The following TG variants were observed in gnomAD, a reference collection of about 807,000 sequenced individuals.
TG encodes the protein thyroid hormones.
A neutral mutation model predicts 324.7 loss-of-function variants in TG; 270 were observed. The ratio of observed to expected loss-of-function variants is 0.83; its 90% CI spans 0.75 to 0.92. The LOEUF is 0.92. Among genes scored for constraint, TG ranks in the 40% least tolerant of loss-of-function variants. The probability of loss-of-function intolerance (pLI) is 0.00; values close to 1 mark genes in which losing one functional copy is unlikely to be tolerated. For synonymous variants in TG, 1,401 were observed against 1,327.0 expected (o/e 1.06, Z -1.21); for missense variants, 3,591 against 3,456.4 (o/e 1.04, Z -0.98).
At chr8:133,021,935 G>C (rs1835603198) in intron 39 of TG, 56 bp from the exon 40 acceptor site, 5 of 1,610,292 alleles carry the variant, frequency 3.1e-6, no homozygotes, top group Non-Finnish European at 4.2e-6. Context: ...CAGGCTCCAA[G>C]CATGGGAAAG....
At chr8:132,949,069 A>C in intron 27 of TG, 126 bp downstream of exon 27, 1 of 797,918 alleles carries the variant, frequency 1.3e-6, no homozygotes, top group Non-Finnish European at 2.0e-6. Flanking sequence ...AAAAAAAAAA[A>C]CTTTACCAAT....
At chr8:132,999,685 T>C (rs1420060859) in intron 35 of TG, among the ~76,000 whole-genome samples, 1 of 152,164 alleles carries the variant, frequency 6.6e-6, no homozygotes, top group Non-Finnish European at 1.5e-5. Flanking sequence ...GTGCAAACAA[T>C]AGAAGAATAT....
At chr8:132,962,146 G>A (rs1177466818) in intron 28 of TG, among the ~76,000 whole-genome samples, 1 of 152,098 alleles carries the variant, frequency 6.6e-6, no homozygotes, top group Non-Finnish European at 1.5e-5. Flanking sequence ...AGGAGGAGGA[G>A]GAAGAGGAGA....
At chr8:132,891,408 C>T (rs1373926055) in intron 10 of TG, among the ~76,000 whole-genome samples, 1 of 152,184 alleles carries the variant, frequency 6.6e-6, no homozygotes, top group Admixed American at 6.5e-5. Flanking sequence ...GATCTCAGTT[C>T]ACTGCAGCCT....
At chr8:133,091,093 T>C (rs891451978) in intron 41 of TG, among the ~76,000 whole-genome samples, 1 of 152,204 alleles carries the variant, frequency 6.6e-6, no homozygotes, top group African/African-American at 2.4e-5. Context: ...GAGAGGTAGG[T>C]GAGCTTCTAC....
Position 132,873,227 on chromosome 8 carries a change from G to C in TG, c.638+6G>C, listed in dbSNP as rs372932760. On this transcript the variant is annotated splice_donor_region_variant and intron_variant, in intron 5 of 47. Coordinates refer to ENST00000220616, the MANE Select transcript of TG (RefSeq NM_003235.5). ...CTGGTCCACAGCTACAACAGGTAAG[G>C]GGAGCAGGGGTGTGCCAGTCACTGG... 59 of 1,613,868 alleles carry C rather than the reference G, an allele frequency of 3.7e-5. No homozygotes were observed. The African/African-American group carries it at 6.8e-4, about 19-fold the overall frequency.
intron 19 of TG, 64 bp downstream of exon 19, chr8:132,911,597 A>C: frequency 1.4e-5 from 19 of 1,381,608 alleles, no homozygotes; most frequent in Non-Finnish European, 1.7e-5. Flanking sequence ...CAGTTTTCTC[A>C]TCTGCCAAAT....
At chr8:132,926,629 C>A (rs551669286) in intron 22 of TG, among the ~76,000 whole-genome samples, 1 of 152,308 alleles carries the variant, frequency 6.6e-6, no homozygotes, top group Admixed American at 6.5e-5. Flanking sequence ...GGAGATTCTT[C>A]CACCACCTCA....
At chr8:132,915,303 C>G (rs1820134745) in intron 20 of TG, among the ~76,000 whole-genome samples, 3 of 152,206 alleles carry the variant, frequency 2.0e-5, no homozygotes, top group Admixed American at 6.5e-5. Flanking sequence ...GAAGTTCTAT[C>G]TCCTCTGACT....
At position 132,886,524 on chromosome 8, in the gene TG, C is replaced by T. The variant is rs752404412; in HGVS notation, c.1152C>T (p.Ser384=). The change falls in exon 9 of 48, where the codon AGC becomes AGT. Residue 384 remains serine, a synonymous_variant. Transcript: ENST00000220616. ...RLYFGTSGYF[S]QHDLFSSPEK... is the part of the protein sequence containing the mutation. ...ACTTTGGGACCTCAGGCTACTTCAG[C>T]CAGCACGACCTGTTCTCTTCCCCAG... 1 of 1,614,204 alleles carries T rather than the reference C, an allele frequency of 6.2e-7. No individual in the cohort carries two copies. Among genetic ancestry groups the T allele is most frequent in the South Asian group, 1.1e-5 (1 of 91,084 alleles).
At chr8:132,867,089 C>A in intron 1 of TG, 22 bp downstream of exon 1, 1 of 1,585,646 alleles carries the variant, frequency 6.3e-7, no homozygotes, top group Non-Finnish European at 8.6e-7. Flanking sequence ...GGCCATGGAG[C>A]CAGGCGGTGG....
At chr8:132,961,542 T>C (rs952896077) in intron 28 of TG, among the ~76,000 whole-genome samples, 1 of 151,892 alleles carries the variant, frequency 6.6e-6, no homozygotes, top group Non-Finnish European at 1.5e-5. Context: ...AAATGGAGAG[T>C]CTGACAACAT....
At chr8:133,003,680 G>T (rs1457746982) in intron 35 of TG, among the ~76,000 whole-genome samples, 3 of 152,170 alleles carry the variant, frequency 2.0e-5, no homozygotes. Flanking sequence ...CCAGAGGCCC[G>T]CCTGTGCAGA....
chr8:133,022,110 T>A lies in TG; in HGVS notation c.6996T>A (p.Thr2332=). The A allele has an allele frequency of 6.2e-7, 1 of 1,614,170 alleles. No individual in the cohort carries two copies. Among genetic ancestry groups the A allele is most frequent in the Non-Finnish European group, 8.5e-7 (1 of 1,180,040 alleles). Residue 2332 remains threonine (T), a synonymous_variant, in exon 40 of 48, where the codon ACT becomes ACA. Transcript: ENST00000220616. ...CTGTTGGCAACCTCATCGTGGTCAC[T>A]GCCAGCTACCGAGTGGGTGTCTTCG... ...LAAVGNLIVV[T]ASYRVGVFGF...
At chr8:132,906,570 G>C (rs766567076) in intron 16 of TG, 118 bp from the exon 17 acceptor site, 14 of 1,187,856 alleles carry the variant, frequency 1.2e-5, no homozygotes, top group Non-Finnish European at 1.6e-5. Flanking sequence ...GACAGGTCCA[G>C]GGAAGGGGAG....
At chr8:133,063,626 G>A (rs1035146275) in intron 41 of TG, 12 of 152,304 alleles carry the variant, frequency 7.9e-5, no homozygotes, top group African/African-American at 2.4e-4. Context: ...AGAGGCCTGG[G>A]TTCTTCTACG....
At chr8:133,111,926 G>A (rs1436455447) in intron 43 of TG, among the ~76,000 whole-genome samples, 1 of 152,236 alleles carries the variant, frequency 6.6e-6, no homozygotes, top group Non-Finnish European at 1.5e-5. Flanking sequence ...TTAGTCCACA[G>A]GGTGGTTCAG....
chr8:132,877,813 T>C (rs16904764), intron 5 of TG, among the ~76,000 whole-genome samples: 4,711 of 152,308 alleles, frequency 0.031, 175 homozygotes, highest in East Asian at 0.087. Flanking sequence ...ATTGTGGGCA[T>C]ACAGAAAATT....
intron 41 of TG, among the ~76,000 whole-genome samples, chr8:133,079,536 C>T (rs1384988187): frequency 6.6e-6 from 1 of 152,132 alleles, no homozygotes; most frequent in Non-Finnish European, 1.5e-5. Context: ...CTTCAGGTCT[C>T]GGAGGAGTTC....
Sources: allele counts gnomAD v4.1 joint callset (sites outside exome capture counted in the v4.1 genomes callset), GRCh38; gene constraint gnomAD v4.1.1; transcripts MANE v1.5; gene names NCBI Gene and HGNC (gene_info 2026-07-23, HGNC 2026-07-21).